Variants in PDZD2 observed in about 807,000 individuals in gnomAD.
The protein encoded by PDZD2 is PDZ domain containing 2.
Under a neutral mutation model 220.7 loss-of-function variants are expected in PDZD2, and 90 were observed. The ratio of observed to expected loss-of-function variants is 0.41; its 90% CI spans 0.34 to 0.49. PDZD2 has a LOEUF of 0.49. Among genes scored for constraint, PDZD2 ranks in the 20% least tolerant of loss-of-function variants. The probability of loss-of-function intolerance (pLI) is 0.28; values close to 1 mark genes in which losing one functional copy is unlikely to be tolerated. For missense variants in PDZD2, 3,174 were observed against 3,608.5 expected (o/e 0.88, Z 3.08); for synonymous variants, 1,375 against 1,450.5 (o/e 0.95, Z 1.18).
intron 2 of PDZD2, among the ~76,000 whole-genome samples, chr5:31,842,437 C>G (rs562351471): frequency 6.6e-6 from 1 of 152,330 alleles, no homozygotes; most frequent in Admixed American, 6.5e-5. Flanking sequence ...CCCGGCCGCT[C>G]ATTCTGACAC....
chr5:31,836,676 T>C (rs1158657126), intron 2 of PDZD2, among the ~76,000 whole-genome samples: 2 of 152,152 alleles, frequency 1.3e-5, no homozygotes, highest in East Asian at 1.9e-4. Flanking sequence ...TGATTCCCTC[T>C]AGAAATTTTG....
chr5:32,008,993 G>A (rs555592596), intron 5 of PDZD2, among the ~76,000 whole-genome samples: 11 of 152,174 alleles, frequency 7.2e-5, no homozygotes, highest in African/African-American at 2.4e-4. Context: ...AGAGTGGGTT[G>A]GTGGGGAGAC....
chr5:31,824,563 G>A (rs1453040637), intron 2 of PDZD2, among the ~76,000 whole-genome samples: 1 of 152,004 alleles, frequency 6.6e-6, no homozygotes, highest in East Asian at 1.9e-4. Context: ...CCTGGCTTTA[G>A]AATCAGCCTG....
At chr5:31,991,025 G>A (rs1447331497) in intron 3 of PDZD2, among the ~76,000 whole-genome samples, 1 of 152,206 alleles carries the variant, frequency 6.6e-6, no homozygotes, top group Non-Finnish European at 1.5e-5. Flanking sequence ...CTGCCCTCAG[G>A]CAGGAATGAC....
chr5:31,684,706 C>T (rs1260105474), intron 1 of PDZD2, among the ~76,000 whole-genome samples: 1 of 152,154 alleles, frequency 6.6e-6, no homozygotes, highest in Non-Finnish European at 1.5e-5. Flanking sequence ...TGCCTATCTT[C>T]CTTGCCTCTT....
At chr5:31,726,666 G>A (rs1425442287) in intron 1 of PDZD2, among the ~76,000 whole-genome samples, 3 of 152,192 alleles carry the variant, frequency 2.0e-5, no homozygotes, top group South Asian at 4.1e-4. Flanking sequence ...GATTGCAGGA[G>A]GACAGAGGGT....
intron 2 of PDZD2, among the ~76,000 whole-genome samples, chr5:31,873,279 T>A (rs1237021202): frequency 6.6e-6 from 1 of 151,710 alleles, no homozygotes; most frequent in Non-Finnish European, 1.5e-5. Context: ...ACAAAAAATT[T>A]AAAAATTAGC....
chr5:31,672,088 A>G (rs2150118607), intron 1 of PDZD2, among the ~76,000 whole-genome samples: 1 of 152,228 alleles, frequency 6.6e-6, no homozygotes. Flanking sequence ...GCACCTCCCA[A>G]TAGTGATGAC....
In PDZD2 at chr5:31,703,757, G is replaced by A. The variant is rs149943872; in HGVS notation, c.-361+64320G>A. ...TCATTCTCACATTGCCCAATGCAGCGCCTGTCCCCAAAGTGATGCCTAGAG... is the reference window on the plus strand; with the variant it reads ...TCATTCTCACATTGCCCAATGCAGCACCTGTCCCCAAAGTGATGCCTAGAG... On this transcript the variant is annotated intron_variant, in intron 1 of 24. Coordinates refer to ENST00000438447, the MANE Select transcript of PDZD2 (RefSeq NM_178140.4). Among the ~76,000 whole-genome samples the A allele has an allele frequency of 1.5e-3, 229 of 152,278 alleles. 1 individual carries two copies. Among genetic ancestry groups the A allele is most frequent in the African/African-American group, 5.2e-3 (216 of 41,538 alleles).
chr5:31,970,247 C>T (rs13181283), intron 2 of PDZD2, among the ~76,000 whole-genome samples: 44,764 of 151,996 alleles, frequency 0.29, 7,128 homozygotes, highest in East Asian at 0.6. Flanking sequence ...AGACAAATGA[C>T]TACTAAGAAT....
chr5:32,043,593 A>T (rs1737633675), intron 7 of PDZD2, among the ~76,000 whole-genome samples: 1 of 152,250 alleles, frequency 6.6e-6, no homozygotes, highest in Non-Finnish European at 1.5e-5. Flanking sequence ...CCTCGCCATG[A>T]GGCGGCTGCC....
intron 2 of PDZD2, among the ~76,000 whole-genome samples, chr5:31,896,890 A>G (rs1262184476): frequency 6.6e-6 from 1 of 152,172 alleles, no homozygotes; most frequent in Non-Finnish European, 1.5e-5. Context: ...CTGGGAGGTC[A>G]AGGCTGCAGT....
chr5:32,043,710 C>T (rs1349040633), intron 7 of PDZD2, among the ~76,000 whole-genome samples: 1 of 152,164 alleles, frequency 6.6e-6, no homozygotes, highest in Non-Finnish European at 1.5e-5. Flanking sequence ...TCACCACAAC[C>T]TCCGCCTCCC....
chr5:31,827,967 T>C (rs1345517869), intron 2 of PDZD2, among the ~76,000 whole-genome samples: 1 of 152,220 alleles, frequency 6.6e-6, no homozygotes, highest in Non-Finnish European at 1.5e-5. Flanking sequence ...TTTCAGTACA[T>C]GGTCTTCTGT....
intron 14 of PDZD2, among the ~76,000 whole-genome samples, chr5:32,064,701 C>T (rs1482569309): frequency 1.3e-5 from 2 of 152,176 alleles, no homozygotes; most frequent in East Asian, 1.9e-4. Context: ...GGTGCGGTCG[C>T]TCACATCTGT....
rs561833214 is a variant in PDZD2 at position 31,667,855 on chromosome 5, CTTTTTTTTT to C, written c.-361+28434_-361+28442del. Reference sequence around the variant, plus strand: ...GAGAACAAACTGCCTTTTTTTTTTCCTTTTTTTTTTTTTTTTTTTTTTTTGAGATGGAAT... The same window carrying C: ...GAGAACAAACTGCCTTTTTTTTTTCCTTTTTTTTTTTTTTTGAGATGGAAT... On this transcript the variant is annotated intron_variant, in intron 1 of 24. Transcript: ENST00000438447. 6.3e-3 allele frequency among the ~76,000 whole-genome samples: 488 copies of C among 78,028 alleles called. 4 individuals are homozygous for C. The highest frequency in any genetic ancestry group is 0.026 in the African/African-American group (462 of 17,900). 51.2% of individuals were successfully genotyped at this position (78,028 alleles called of 152,430 possible). A position where few individuals can be genotyped will look rare whatever the true frequency, so the allele number is the denominator to read the frequency against.
chr5:32,073,647 G>A (rs747673800), intron 17 of PDZD2, among the ~76,000 whole-genome samples, 185 bp from the exon 18 acceptor site: 2 of 151,896 alleles, frequency 1.3e-5, no homozygotes, highest in East Asian at 1.9e-4. Flanking sequence ...AAGATAGCCC[G>A]CCTATCTACT....
Position 31,891,127 on chromosome 5 carries a change from C to CATTTTTTT in PDZD2, c.476+91403_476+91404insATTTTTTT, listed in dbSNP as rs1561545899. 5.2e-5 allele frequency among the ~76,000 whole-genome samples: 5 copies of CATTTTTTT among 96,420 alleles called. 2 individuals carry two copies. The highest frequency in any genetic ancestry group is 7.7e-5 in the Non-Finnish European group (4 of 51,630). 63.3% of individuals were successfully genotyped at this position (96,420 alleles called of 152,430 possible). ...TGTAAGCAAAGCTCAGGGGTTTTTC[C>CATTTTTTT]TTTTTTTTTTTTTTTTTTTTTTTTT... On this transcript the variant is annotated intron_variant, in intron 2 of 24. Transcript: ENST00000438447.
intron 2 of PDZD2, among the ~76,000 whole-genome samples, chr5:31,973,102 G>A (rs986682947): frequency 1.3e-5 from 2 of 152,184 alleles, no homozygotes; most frequent in African/African-American, 2.4e-5. Flanking sequence ...TCCAACAGGT[G>A]TATGGGTGCT....
Sources: gnomAD v4.1 joint callset for allele counts (sites outside exome capture counted in the v4.1 genomes callset) on GRCh38, gnomAD v4.1.1 for gene constraint, MANE v1.5 for transcripts, NCBI Gene and HGNC (gene_info 2026-07-23, HGNC 2026-07-21) for gene names.